WDR27: variants seen among roughly 807,000 people sequenced by gnomAD.
The protein encoded by WDR27 is WD repeat-containing protein 27.
WDR27 carries 100 observed loss-of-function variants against 114.4 expected under a neutral mutation model. The ratio of observed to expected loss-of-function variants is 0.87; its 90% CI spans 0.74 to 1.03. The LOEUF (loss-of-function observed/expected upper bound fraction) is 1.03, where lower values mean the gene tolerates loss of function less well. Among genes scored for constraint, WDR27 ranks in the 50% least tolerant of loss-of-function variants. WDR27 has a pLI of 0.00. For missense variants in WDR27, 1,129 were observed against 1,092.9 expected (o/e 1.03, Z -0.47); for synonymous variants, 449 against 423.1 (o/e 1.06, Z -0.75).
At chr6:169,644,164 AG>A (rs1454126073) in intron 16 of WDR27, among the ~76,000 whole-genome samples, 17 of 144,220 alleles carry the variant, frequency 1.2e-4, no homozygotes, top group South Asian at 2.2e-4. Flanking sequence ...ACTGTAGAAA[AG>A]CCTAGTTCAC....
the WDR27 span, among the ~76,000 whole-genome samples, chr6:169,448,797 C>A: frequency 0.017 from 2,590 of 152,302 alleles, 74 homozygotes; most frequent in African/African-American, 0.059. Flanking sequence ...ATAAGCAGAA[C>A]CGATCCAGGT....
At chr6:169,528,637 G>C (rs1431787224) in intron 25 of WDR27, among the ~76,000 whole-genome samples, 1 of 152,142 alleles carries the variant, frequency 6.6e-6, no homozygotes, top group African/African-American at 2.4e-5. Context: ...AGAGATTCTT[G>C]TGCCTTGACC....
chr6:169,654,115 T>C (rs1369795217), intron 13 of WDR27, among the ~76,000 whole-genome samples: 1 of 152,224 alleles, frequency 6.6e-6, no homozygotes, highest in Non-Finnish European at 1.5e-5. Flanking sequence ...CCCACTTCTC[T>C]AATGAAAATT....
At chr6:169,505,608 T>C (rs1467045273) in intron 25 of WDR27, among the ~76,000 whole-genome samples, 3 of 152,120 alleles carry the variant, frequency 2.0e-5, no homozygotes, top group Non-Finnish European at 4.4e-5. Context: ...CCAGAAACAA[T>C]TGCCATCACA....
intron 25 of WDR27, among the ~76,000 whole-genome samples, chr6:169,542,946 A>G (rs1011671745): frequency 5.9e-5 from 9 of 152,118 alleles, no homozygotes; most frequent in Non-Finnish European, 4.4e-5. Flanking sequence ...TATTGAGAAA[A>G]CGTATCTTTT....
intron 21 of WDR27, among the ~76,000 whole-genome samples, chr6:169,621,413 TACAC>T (rs539223077): frequency 1.0e-4 from 15 of 149,448 alleles, no homozygotes; most frequent in East Asian, 6.1e-4. Flanking sequence ...TGCCTATACA[TACAC>T]ACACGCGCAT....
chr6:169,615,577 A>C (rs1440293390), intron 21 of WDR27, among the ~76,000 whole-genome samples: 1 of 152,190 alleles, frequency 6.6e-6, no homozygotes, highest in Non-Finnish European at 1.5e-5. Context: ...TAACTGGCTA[A>C]ATGTGCAGAA....
At chr6:169,528,385 C>A (rs565909969) in intron 25 of WDR27, among the ~76,000 whole-genome samples, 2 of 152,262 alleles carry the variant, frequency 1.3e-5, no homozygotes, top group South Asian at 4.1e-4. Flanking sequence ...CCTTTCTGAT[C>A]CAGAGAAGTC....
the WDR27 span, among the ~76,000 whole-genome samples, chr6:169,451,428 G>A: frequency 1.3e-5 from 2 of 152,102 alleles, no homozygotes; most frequent in East Asian, 1.9e-4. Context: ...GCTGTGTCAC[G>A]GCACGTCCTC....
At position 169,464,735 on chromosome 6, in the gene WDR27, CA is replaced by C. The variant is rs572921264; in HGVS notation, c.2646-7102del. Reference sequence around the variant, plus strand: ...TATATAGAGGAGCCCTAAAACTAAACAACATAATCAAACAGCCCAATTTAAA... The same window carrying C: ...TATATAGAGGAGCCCTAAAACTAAACACATAATCAAACAGCCCAATTTAAA... On this transcript the variant is annotated intron_variant, in intron 25 of 25. Transcript: ENST00000448612. Among the ~76,000 whole-genome samples the C allele has an allele frequency of 5.2e-3, 789 of 152,306 alleles. 20 individuals are homozygous for C. The highest frequency in any genetic ancestry group is 1.9e-3 in the Non-Finnish European group (128 of 68,030).
chr6:169,678,454 C>T (rs1360844727), intron 2 of WDR27, among the ~76,000 whole-genome samples: 1 of 152,216 alleles, frequency 6.6e-6, no homozygotes, highest in African/African-American at 2.4e-5. Flanking sequence ...CCTATAATCC[C>T]TTTGTATATT....
At chr6:169,570,138 C>G (rs73790025) in intron 25 of WDR27, among the ~76,000 whole-genome samples, 2,465 of 152,236 alleles carry the variant, frequency 0.016, 64 homozygotes, top group African/African-American at 0.057. Context: ...AGATCTCTTG[C>G]GCTTGATGCT....
At chr6:169,655,722 T>C (rs1193794309) in intron 13 of WDR27, among the ~76,000 whole-genome samples, 3 of 152,050 alleles carry the variant, frequency 2.0e-5, no homozygotes, top group Non-Finnish European at 4.4e-5. Context: ...CAGAGTTTTT[T>C]TTGTTTTTAT....
intron 24 of WDR27, among the ~76,000 whole-genome samples, chr6:169,575,239 T>TATCC (rs71010604): frequency 0.56 from 73,934 of 130,974 alleles, 24,215 homozygotes; most frequent in Non-Finnish European, 0.7. Flanking sequence ...TCTCCCTCTC[T>TATCC]ATCCATCCAT....
At chr6:169,443,823 C>G in the WDR27 span, among the ~76,000 whole-genome samples, 1 of 152,206 alleles carries the variant, frequency 6.6e-6, no homozygotes, top group South Asian at 2.1e-4. Flanking sequence ...TACTAAGAAC[C>G]TTGTCCTTCT....
intron 25 of WDR27, among the ~76,000 whole-genome samples, chr6:169,504,881 G>T (rs566508028): frequency 1.3e-5 from 2 of 152,258 alleles, no homozygotes; most frequent in South Asian, 4.2e-4. Flanking sequence ...TTACAGGTAT[G>T]ATCTACTACA....
intron 25 of WDR27, among the ~76,000 whole-genome samples, chr6:169,557,349 CAA>C (rs1419314519): frequency 6.6e-6 from 1 of 152,192 alleles, no homozygotes; most frequent in Non-Finnish European, 1.5e-5. Flanking sequence ...GTGATGGACA[CAA>C]GAGCAGTTTC....
intron 22 of WDR27, among the ~76,000 whole-genome samples, chr6:169,608,279 T>C (rs146560436): frequency 2.8e-4 from 42 of 152,292 alleles, no homozygotes; most frequent in African/African-American, 8.4e-4. Context: ...TGTGTGTGTA[T>C]GTTTATTGCA....
At chr6:169,496,886 A>G (rs924908833) in intron 25 of WDR27, among the ~76,000 whole-genome samples, 3 of 152,134 alleles carry the variant, frequency 2.0e-5, no homozygotes, top group African/African-American at 7.2e-5. Context: ...TACAGATGCA[A>G]TGCAATCCCT....
Sources: allele counts gnomAD v4.1 joint callset (sites outside exome capture counted in the v4.1 genomes callset), GRCh38; gene constraint gnomAD v4.1.1; transcripts MANE v1.5; gene names NCBI Gene and HGNC (gene_info 2026-07-23, HGNC 2026-07-21).